The following GNG5 variants were observed in gnomAD, a reference collection of about 807,000 sequenced individuals.
GNG5 encodes the protein G protein subunit gamma 5, also known as guanine nucleotide-binding protein G(I)/G(S)/G(O) subunit gamma-5.
GNG5 carries 2 observed loss-of-function variants against 6.2 expected under a neutral mutation model. The ratio of observed to expected loss-of-function variants is 0.32; its 90% CI spans 0.13 to 1.01. The LOEUF (loss-of-function observed/expected upper bound fraction) is 1.01, where lower values mean the gene tolerates loss of function less well. GNG5 is among the 50% of genes least tolerant of loss of function. The probability of loss-of-function intolerance (pLI) is 0.48; values close to 1 mark genes in which losing one functional copy is unlikely to be tolerated. For missense variants in GNG5, 57 were observed against 80.2 expected (o/e 0.71, Z 1.10); for synonymous variants, 24 against 33.0 (o/e 0.73, Z 0.93).
chr1:84,505,431 A>C (rs761577673), intron 2 of GNG5, among the ~76,000 whole-genome samples: 2 of 152,080 alleles, frequency 1.3e-5, no homozygotes, highest in Non-Finnish European at 2.9e-5. Flanking sequence ...GGAACTTTAC[A>C]CTCCAGGATC....
intron 2 of GNG5, 84 bp from the exon 3 acceptor site, chr1:84,502,054 T>C: frequency 1.9e-6 from 2 of 1,032,590 alleles, no homozygotes; most frequent in Non-Finnish European, 3.0e-6. Flanking sequence ...AATATTGTAC[T>C]TACAATAAAA....
chr1:84,503,787 A>G (rs1682102648), intron 2 of GNG5: 5 of 152,260 alleles, frequency 3.3e-5, no homozygotes, highest in Admixed American at 3.3e-4. Context: ...TGGAGCTAAC[A>G]GTTCAGAGAA....
intron 3 of GNG5, among the ~76,000 whole-genome samples, chr1:84,501,484 C>CA (rs1682056403): frequency 6.7e-6 from 1 of 148,228 alleles, no homozygotes; most frequent in Non-Finnish European, 1.5e-5. Context: ...GCCAGGTACA[C>CA]AAAAACAAAA....
chr1:84,505,787 T>C (rs896986481), intron 2 of GNG5, among the ~76,000 whole-genome samples: 1 of 152,026 alleles, frequency 6.6e-6, no homozygotes, highest in Admixed American at 6.6e-5. Flanking sequence ...CCTCGGAAAG[T>C]CCTGGGGCGG....
At position 84,506,441 on chromosome 1, in the gene GNG5, G is replaced by C. The variant is rs1309521204; in HGVS notation, c.-216C>G. The C allele has an allele frequency of 5.9e-6, 1 of 170,370 alleles. No individual in the cohort carries two copies. Among genetic ancestry groups the C allele is most frequent in the African/African-American group, 2.4e-5 (1 of 42,064 alleles). 10.6% of individuals were successfully genotyped at this position (170,370 alleles called of 1,614,324 possible). ...GAGGTAAGGAGAGAGCTTACCGTTA[G>C]CCGCGAAGAACTAAGAGGGGGTCTG... On this transcript the variant is annotated 5_prime_UTR_variant, in exon 1 of 4. Transcript: ENST00000370645.
intron 3 of GNG5, among the ~76,000 whole-genome samples, chr1:84,500,456 A>C (rs1158124569): frequency 6.6e-6 from 1 of 152,200 alleles, no homozygotes; most frequent in Non-Finnish European, 1.5e-5. Flanking sequence ...AAAACTATTA[A>C]CAGCTGCCCA....
At chr1:84,502,406 AC>A (rs1682077821) in intron 2 of GNG5, among the ~76,000 whole-genome samples, 5 of 152,134 alleles carry the variant, frequency 3.3e-5, no homozygotes, top group Admixed American at 3.3e-4. Flanking sequence ...TGCTGAGATT[AC>A]AGGTGTGAGC....
intron 2 of GNG5, among the ~76,000 whole-genome samples, chr1:84,502,374 C>G (rs946706943): frequency 1.3e-5 from 2 of 151,990 alleles, no homozygotes; most frequent in African/African-American, 4.8e-5. Flanking sequence ...CCTCGTGATC[C>G]GCCCACCTCG....
chr1:84,505,002 A>G (rs1295934910), intron 2 of GNG5, among the ~76,000 whole-genome samples: 3 of 152,246 alleles, frequency 2.0e-5, no homozygotes, highest in Non-Finnish European at 4.4e-5. Context: ...CATTTCGGCA[A>G]GTAATAAAGA....
chr1:84,506,328 G>C (rs1336938430), intron 1 of GNG5, 27 bp from the exon 2 acceptor site: 2 of 390,980 alleles, frequency 5.1e-6, no homozygotes, highest in East Asian at 4.3e-5. Context: ...AGAAGGGGCG[G>C]AGCAGTCGGT....
At chr1:84,503,753 A>G (rs1682102285) in intron 2 of GNG5, 1 of 152,258 alleles carries the variant, frequency 6.6e-6, no homozygotes, top group Non-Finnish European at 1.5e-5. Flanking sequence ...AGAATACATA[A>G]GAACAGCCAG....
intron 3 of GNG5, among the ~76,000 whole-genome samples, chr1:84,498,969 A>AT (rs906080449): frequency 6.6e-6 from 1 of 152,212 alleles, no homozygotes; most frequent in Non-Finnish European, 1.5e-5. Flanking sequence ...CTGTATTAGT[A>AT]TTTTAACAGC....
intron 3 of GNG5, among the ~76,000 whole-genome samples, chr1:84,499,909 C>A (rs1369861093): frequency 1.3e-5 from 2 of 152,052 alleles, no homozygotes; most frequent in Non-Finnish European, 2.9e-5. Flanking sequence ...TGAGGTCAGG[C>A]GTTCGAGAAA....
chr1:84,505,912 A>C lies in GNG5; in HGVS notation c.81+99T>G, dbSNP rs991891153. The stretch of plus-strand genomic sequence containing the variant: ...GCGCGCGTCCTCTCCAGGGGAAGCG[A>C]GGGCCGGCGCGTGTCCCGCCCGCCC... On this transcript the variant is annotated intron_variant, in intron 2 of 3. Coordinates refer to ENST00000370645, the MANE Select transcript of GNG5 (RefSeq NM_005274.3). 6 of 833,662 alleles carry C rather than the reference A, an allele frequency of 7.2e-6. No individual in the cohort carries two copies. The Admixed American group carries it at 2.2e-4, about 31-fold the overall frequency. The allele number at this position is 833,662 out of a possible 1,614,324, so 51.6% of individuals were successfully genotyped here. A position where few individuals can be genotyped will look rare whatever the true frequency, so the allele number is the denominator to read the frequency against.
chr1:84,505,815 C>T (rs1682185348), intron 2 of GNG5, among the ~76,000 whole-genome samples, 196 bp downstream of exon 2: 1 of 152,212 alleles, frequency 6.6e-6, no homozygotes, highest in Non-Finnish European at 1.5e-5. Context: ...AACTAATCGT[C>T]CCCCTAAAAC....
intron 2 of GNG5, among the ~76,000 whole-genome samples, chr1:84,504,021 A>G (rs1263903525): frequency 1.3e-5 from 2 of 152,226 alleles, no homozygotes; most frequent in Non-Finnish European, 2.9e-5. Context: ...CACTGTAACA[A>G]TCACCATCCA....
At chr1:84,499,368 T>A (rs985684133) in intron 3 of GNG5, among the ~76,000 whole-genome samples, 4 of 152,162 alleles carry the variant, frequency 2.6e-5, no homozygotes, top group Non-Finnish European at 5.9e-5. Context: ...GGAAAAAACA[T>A]TCTCATGTTT....
chr1:84,506,252 C>A lies in GNG5; in HGVS notation c.-161G>T. 2.0e-6 allele frequency: 1 copy of A among 500,654 alleles called. No homozygotes were observed. Among genetic ancestry groups the A allele is most frequent in the Non-Finnish European group, 3.3e-6 (1 of 298,926 alleles). The allele number at this position is 500,654 out of a possible 1,614,324, so 31.0% of individuals were successfully genotyped here. A position where few individuals can be genotyped will look rare whatever the true frequency, so the allele number is the denominator to read the frequency against. The stretch of plus-strand genomic sequence containing the variant: ...CGGCTCCACCCTCGGTGCGCATGCG[C>A]GCCTTGCCAGCCCTCTGTTCCAGCT... On this transcript the variant is annotated 5_prime_UTR_variant, in exon 2 of 4. Coordinates refer to ENST00000370645, the MANE Select transcript of GNG5 (RefSeq NM_005274.3).
Position 84,506,135 on chromosome 1 carries a change from G to T in GNG5, c.-44C>A. 6.5e-7 allele frequency: 1 copy of T among 1,529,454 alleles called. No homozygotes were observed. The highest frequency in any genetic ancestry group is 8.9e-7 in the Non-Finnish European group (1 of 1,129,560). The allele number at this position is 1,529,454 out of a possible 1,614,324, so 94.7% of individuals were successfully genotyped here. On this transcript the variant is annotated 5_prime_UTR_variant, in exon 2 of 4. Coordinates refer to ENST00000370645, the MANE Select transcript of GNG5 (RefSeq NM_005274.3). The stretch of plus-strand genomic sequence containing the variant: ...GCCGATTCGTGGGTCGGTGGGTCGT[G>T]GGCCGTGGGTCGGCGGGGCCAGACA...
Sources: allele counts gnomAD v4.1 joint callset (sites outside exome capture counted in the v4.1 genomes callset), GRCh38; gene constraint gnomAD v4.1.1; transcripts MANE v1.5; gene names NCBI Gene and HGNC (gene_info 2026-07-23, HGNC 2026-07-21).